The following GRM5 variants were observed in gnomAD, a reference collection of about 807,000 sequenced individuals.
The protein encoded by GRM5 is metabotropic glutamate receptor 5.
Under a neutral mutation model 83.1 loss-of-function variants are expected in GRM5, and 19 were observed. The ratio of observed to expected loss-of-function variants is 0.23; its 90% CI spans 0.16 to 0.34. The LOEUF (loss-of-function observed/expected upper bound fraction) is 0.34. GRM5 is among the 10% of genes least tolerant of loss of function. GRM5 has a pLI of 1.00. For missense variants in GRM5, 1,160 were observed against 1,588.3 expected (o/e 0.73, Z 4.58); for synonymous variants, 675 against 633.6 (o/e 1.07, Z -0.98).
chr11:88,526,751 T>C (rs1352157176), intron 8 of GRM5, among the ~76,000 whole-genome samples: 1 of 152,184 alleles, frequency 6.6e-6, no homozygotes, highest in East Asian at 1.9e-4. Context: ...TCTAAAATGT[T>C]TAAAGTATCT....
intron 3 of GRM5, among the ~76,000 whole-genome samples, chr11:88,802,622 CACAAG>C (rs1425935210): frequency 6.6e-6 from 1 of 152,054 alleles, no homozygotes; most frequent in East Asian, 1.9e-4. Flanking sequence ...TGAAAACTGG[CACAAG>C]ACAAGGATGC....
At chr11:89,008,085 T>C (rs1940580932) in intron 2 of GRM5, among the ~76,000 whole-genome samples, 2 of 152,198 alleles carry the variant, frequency 1.3e-5, no homozygotes, top group South Asian at 4.1e-4. Flanking sequence ...AATACAATTA[T>C]ATGTTTTTTT....
intron 2 of GRM5, among the ~76,000 whole-genome samples, chr11:88,858,948 GT>G (rs1944518241): frequency 1.3e-5 from 2 of 151,966 alleles, no homozygotes; most frequent in South Asian, 4.1e-4. Context: ...AGAGCTCTGA[GT>G]TATACCCTAA....
chr11:88,764,414 T>A lies in GRM5; in HGVS notation c.911+85492A>T, dbSNP rs746998823. The stretch of plus-strand genomic sequence containing the variant: ...ACACAACATAGACATTGTTTTTATG[T>A]GCATATGGGACATTTTCCAGAATAA... On this transcript the variant is annotated intron_variant, in intron 3 of 9. Coordinates refer to ENST00000305447, the MANE Select transcript of GRM5 (RefSeq NM_001143831.3). Among the ~76,000 whole-genome samples, 5 of 151,658 alleles carry A rather than the reference T, an allele frequency of 3.3e-5. No individual in the cohort carries two copies. In the Admixed American group the frequency reaches 3.3e-4, roughly 10 times the overall value.
At chr11:88,747,961 G>T (rs1264742571) in intron 3 of GRM5, among the ~76,000 whole-genome samples, 1 of 152,096 alleles carries the variant, frequency 6.6e-6, no homozygotes, top group East Asian at 1.9e-4. Context: ...CTTACATTGG[G>T]ATTGACTAGG....
At chr11:88,919,095 A>T (rs1364330529) in intron 2 of GRM5, among the ~76,000 whole-genome samples, 1 of 149,948 alleles carries the variant, frequency 6.7e-6, no homozygotes, top group African/African-American at 2.4e-5. Context: ...TAAAAAAAAT[A>T]GAGTGGCTGA....
At chr11:88,832,370 C>G (rs1477749635) in intron 3 of GRM5, among the ~76,000 whole-genome samples, 6 of 152,042 alleles carry the variant, frequency 3.9e-5, no homozygotes, top group African/African-American at 1.4e-4. Flanking sequence ...ATCCCAATTA[C>G]AATGGCTATT....
At chr11:88,812,321 C>T (rs1943602378) in intron 3 of GRM5, among the ~76,000 whole-genome samples, 1 of 152,052 alleles carries the variant, frequency 6.6e-6, no homozygotes, top group African/African-American at 2.4e-5. Flanking sequence ...ACTGCAAAAA[C>T]CATATTTGTG....
chr11:88,746,207 A>C (rs1370667864), intron 3 of GRM5, among the ~76,000 whole-genome samples: 1 of 152,104 alleles, frequency 6.6e-6, no homozygotes, highest in East Asian at 1.9e-4. Flanking sequence ...TCTCTCTAGG[A>C]ATAGCATCAT....
intron 8 of GRM5, among the ~76,000 whole-genome samples, chr11:88,560,527 G>C (rs1212412026): frequency 3.3e-5 from 5 of 152,106 alleles, no homozygotes; most frequent in Non-Finnish European, 7.4e-5. Context: ...AAAAAGAAAA[G>C]TTGATTTTAG....
intron 2 of GRM5, among the ~76,000 whole-genome samples, chr11:88,997,900 T>C (rs1168034212): frequency 1.3e-5 from 2 of 152,172 alleles, no homozygotes; most frequent in Non-Finnish European, 2.9e-5. Context: ...ATATATTTTA[T>C]ACATTCTCTT....
chr11:88,882,248 G>GTAAATAAATAAATAAATAAATAAA (rs141706389), intron 2 of GRM5, among the ~76,000 whole-genome samples: 73 of 143,990 alleles, frequency 5.1e-4, no homozygotes, highest in African/African-American at 1.7e-3. Flanking sequence ...AAATAAGTAA[G>GTAAATAAATAAATAAATAAATAAA]TAAATAAATA....
chr11:88,971,907 G>A (rs1400485193), intron 2 of GRM5, among the ~76,000 whole-genome samples: 3 of 152,074 alleles, frequency 2.0e-5, no homozygotes, highest in African/African-American at 7.2e-5. Context: ...AGATGATCTG[G>A]TAACATCCTG....
chr11:89,012,482 T>C (rs919551903), intron 2 of GRM5, among the ~76,000 whole-genome samples: 1 of 152,170 alleles, frequency 6.6e-6, no homozygotes, highest in Non-Finnish European at 1.5e-5. Flanking sequence ...ATCTTTATTG[T>C]TGCAAATAGG....
At chr11:88,843,728 C>T (rs1944248070) in intron 3 of GRM5, among the ~76,000 whole-genome samples, 1 of 151,940 alleles carries the variant, frequency 6.6e-6, no homozygotes, top group African/African-American at 2.4e-5. Context: ...AGGCCTGTTG[C>T]AAAAAACAGC....
chr11:88,694,688 C>CAT (rs1940860592), intron 3 of GRM5, among the ~76,000 whole-genome samples: 1 of 151,920 alleles, frequency 6.6e-6, no homozygotes, highest in Non-Finnish European at 1.5e-5. Context: ...CTATCATGAC[C>CAT]ATATAACTGA....
intron 7 of GRM5, among the ~76,000 whole-genome samples, chr11:88,583,972 G>A (rs1943262830): frequency 6.6e-6 from 1 of 151,794 alleles, no homozygotes; most frequent in African/African-American, 2.4e-5. Context: ...CCAAACCACT[G>A]GTAGATTCAC....
intron 3 of GRM5, among the ~76,000 whole-genome samples, chr11:88,755,932 A>C (rs1049481677): frequency 6.6e-6 from 1 of 152,134 alleles, no homozygotes; most frequent in African/African-American, 2.4e-5. Flanking sequence ...GTTTTCCCTA[A>C]ATTTCTTACT....
chr11:88,974,963 A>G (rs1341802165), intron 2 of GRM5, among the ~76,000 whole-genome samples: 1 of 152,226 alleles, frequency 6.6e-6, no homozygotes, highest in East Asian at 1.9e-4. Flanking sequence ...AATATCAAAC[A>G]CAGAAAGATA....
Sources: allele counts gnomAD v4.1 joint callset (sites outside exome capture counted in the v4.1 genomes callset), GRCh38; gene constraint gnomAD v4.1.1; transcripts MANE v1.5; gene names NCBI Gene and HGNC (gene_info 2026-07-23, HGNC 2026-07-21).